Variants in FRMD6 observed in about 807,000 individuals in gnomAD.
The protein encoded by FRMD6 is FERM domain-containing protein 6.
A neutral mutation model predicts 73.2 loss-of-function variants in FRMD6; 37 were observed. The ratio of observed to expected loss-of-function variants is 0.51; its 90% confidence interval spans 0.39 to 0.66. The LOEUF (loss-of-function observed/expected upper bound fraction) is 0.66. Among genes scored for constraint, FRMD6 ranks in the 30% least tolerant of loss-of-function variants. FRMD6 has a pLI of 0.00. For missense variants in FRMD6, 714 were observed against 780.5 expected, an observed-to-expected ratio of 0.91 and a Z score of 1.02; for synonymous variants, 273 against 282.2, an observed-to-expected ratio of 0.97 and a Z score of 0.33.
chr14:51,580,796 T>TGC (rs1394708368), intron 2 of FRMD6, among the ~76,000 whole-genome samples: 1 of 152,196 alleles, frequency 6.6e-6, no homozygotes, highest in Non-Finnish European at 1.5e-5. Context: ...ATTTATCAAT[T>TGC]TGTAAATGTA....
the FRMD6 span, among the ~76,000 whole-genome samples, chr14:51,415,902 A>G: frequency 5.6e-3 from 860 of 152,256 alleles, 12 homozygotes; most frequent in African/African-American, 0.019. Context: ...GTGTCTAGGA[A>G]TTTATCCATT....
intron 2 of FRMD6, among the ~76,000 whole-genome samples, chr14:51,586,891 G>A (rs1291736092): frequency 1.3e-5 from 2 of 152,120 alleles, no homozygotes; most frequent in African/African-American, 4.8e-5. Context: ...CCACAGGCAT[G>A]CACCACCACA....
intron 1 of FRMD6, among the ~76,000 whole-genome samples, chr14:51,514,709 A>G (rs551589632): frequency 6.6e-6 from 1 of 152,060 alleles, no homozygotes; most frequent in East Asian, 1.9e-4. Context: ...TTAGCTGGGC[A>G]TGGTGGCGCA....
At chr14:51,620,370 T>C (rs1457668351) in intron 2 of FRMD6, among the ~76,000 whole-genome samples, 1 of 152,030 alleles carries the variant, frequency 6.6e-6, no homozygotes, top group Admixed American at 6.5e-5. Flanking sequence ...AGGAAAAAGA[T>C]TCCGCAAAAC....
At chr14:51,429,210 T>C in the FRMD6 span, among the ~76,000 whole-genome samples, 3 of 152,198 alleles carry the variant, frequency 2.0e-5, no homozygotes, top group African/African-American at 7.2e-5. Flanking sequence ...CTAATCCCAA[T>C]TGACACCACA....
chr14:51,676,014 G>A (rs1189568639), intron 1 of FRMD6, among the ~76,000 whole-genome samples: 4 of 152,014 alleles, frequency 2.6e-5, no homozygotes, highest in South Asian at 4.2e-4. Flanking sequence ...ATTTTAGCAC[G>A]TTTCTTAACT....
chr14:51,602,512 A>T (rs928688993), intron 2 of FRMD6, among the ~76,000 whole-genome samples: 1 of 152,240 alleles, frequency 6.6e-6, no homozygotes, highest in African/African-American at 2.4e-5. Flanking sequence ...CATGAAAATT[A>T]TATGAGAATC....
In FRMD6 at chr14:51,597,583, T is replaced by G. The variant is rs1889789668; in HGVS notation, c.-147+27173T>G. ...GCCACCCTGTAGAAGGCCATCCTGG[T>G]CAATGACTCAGCTTCTCTGTGCCCC... On this transcript the variant is annotated intron_variant, in intron 2 of 14. Transcript: ENST00000356218. Among the ~76,000 whole-genome samples the G allele has an allele frequency of 2.0e-5, 3 of 152,342 alleles. No individual in the cohort carries two copies. The South Asian group carries it at 6.2e-4, about 32-fold the overall frequency.
the FRMD6 span, among the ~76,000 whole-genome samples, chr14:51,472,717 GCTGAAGCACC>G: frequency 6.6e-6 from 1 of 150,928 alleles, no homozygotes; most frequent in Admixed American, 6.6e-5. Flanking sequence ...TAGCCTCACA[GCTGAAGCACC>G]CTGTCAAAAA....
chr14:51,407,377 G>A, the FRMD6 span, among the ~76,000 whole-genome samples: 1 of 151,656 alleles, frequency 6.6e-6, no homozygotes, highest in Non-Finnish European at 1.5e-5. Context: ...TTCTGGAATA[G>A]TTTGTGTAAT....
chr14:51,628,878 T>C (rs1487245249), intron 2 of FRMD6, among the ~76,000 whole-genome samples: 4 of 11,768 alleles, frequency 3.4e-4, no homozygotes, highest in Non-Finnish European at 8.6e-4. Context: ...TTTTCTTTTC[T>C]TTTTTTTTTT....
At chr14:51,625,016 C>T (rs1272577979) in intron 2 of FRMD6, among the ~76,000 whole-genome samples, 1 of 152,122 alleles carries the variant, frequency 6.6e-6, no homozygotes, top group Non-Finnish European at 1.5e-5. Context: ...TATCTAGAAA[C>T]CATACTTGAA....
chr14:51,604,495 A>T (rs1566497719), intron 2 of FRMD6, among the ~76,000 whole-genome samples: 1 of 152,196 alleles, frequency 6.6e-6, no homozygotes, highest in Non-Finnish European at 1.5e-5. Context: ...CTAAAATACT[A>T]TTAAAATCTT....
chr14:51,414,146 T>C, the FRMD6 span, among the ~76,000 whole-genome samples: 1,755 of 152,330 alleles, frequency 0.012, 37 homozygotes, highest in African/African-American at 0.04. Context: ...AGGCAGAAGC[T>C]CTTTAGTTTA....
chr14:51,515,714 A>G (rs1024103767), intron 1 of FRMD6, among the ~76,000 whole-genome samples: 8 of 152,198 alleles, frequency 5.3e-5, no homozygotes, highest in African/African-American at 1.9e-4. Flanking sequence ...AGGAGACAGG[A>G]TAACAGAGCT....
chr14:51,513,648 G>A (rs1884452004), intron 1 of FRMD6, among the ~76,000 whole-genome samples: 1 of 151,892 alleles, frequency 6.6e-6, no homozygotes, highest in African/African-American at 2.4e-5. Flanking sequence ...AACTAAAGGA[G>A]GATTTCTGTA....
intron 1 of FRMD6, among the ~76,000 whole-genome samples, chr14:51,657,762 A>G (rs182499332): frequency 6.6e-6 from 1 of 152,334 alleles, no homozygotes; most frequent in Admixed American, 6.5e-5. Flanking sequence ...AGCAATCTTA[A>G]GAAAACTTTA....
chr14:51,632,156 C>G (rs1053495843), intron 2 of FRMD6, among the ~76,000 whole-genome samples: 115 of 152,160 alleles, frequency 7.6e-4, no homozygotes, highest in African/African-American at 2.7e-3. Flanking sequence ...TTCTGCCACC[C>G]TGTGAAGAAG....
At chr14:51,400,801 G>A in the FRMD6 span, among the ~76,000 whole-genome samples, 1 of 152,212 alleles carries the variant, frequency 6.6e-6, no homozygotes, top group South Asian at 2.1e-4. Flanking sequence ...AGTTTATTAT[G>A]TAAAGAATGG....
Sources: gnomAD v4.1 joint callset for allele counts (sites outside exome capture counted in the v4.1 genomes callset) on GRCh38, gnomAD v4.1.1 for gene constraint, MANE v1.5 for transcripts, NCBI Gene and HGNC (gene_info 2026-07-23, HGNC 2026-07-21) for gene names.